The following TBX15 variants were observed in gnomAD, a reference collection of about 807,000 sequenced individuals.
The protein encoded by TBX15 is T-box transcription factor 15, also known as T-box transcription factor TBX15.
In TBX15, 18 loss-of-function variants were observed where a neutral mutation model predicts 53.9. The ratio of observed to expected loss-of-function variants is 0.33; its 90% CI spans 0.23 to 0.49. TBX15 has a LOEUF of 0.49. Ranked by LOEUF, TBX15 falls within the 20% of genes least tolerant of loss-of-function variation. The probability of loss-of-function intolerance (pLI) is 0.98; values close to 1 mark genes in which losing one functional copy is unlikely to be tolerated. For synonymous variants in TBX15, 295 were observed against 278.0 expected, an observed-to-expected ratio of 1.06 and a Z score of -0.61; for missense variants, 692 against 749.5, an observed-to-expected ratio of 0.92 and a Z score of 0.90.
chr1:118,914,588 ATAAT>A (rs1040918349), intron 5 of TBX15, among the ~76,000 whole-genome samples: 3 of 152,242 alleles, frequency 2.0e-5, no homozygotes, highest in Non-Finnish European at 4.4e-5. Flanking sequence ...AAGTGAGTTA[ATAAT>A]TAATAATGGA....
chr1:118,988,055 G>T lies in TBX15; in HGVS notation c.-260C>A, dbSNP rs1033830500. On this transcript the variant is annotated 5_prime_UTR_variant, in exon 1 of 8. Coordinates refer to ENST00000369429, the MANE Select transcript of TBX15 (RefSeq NM_001330677.2). ...AGCGCCGCCCGCTCGCTGCATGAGC[G>T]CCCGAGTCCTGCTTCCCACCCACCG... The T allele has an allele frequency of 1.8e-6, 1 of 552,666 alleles. No homozygotes were observed. The highest frequency in any genetic ancestry group is 3.2e-6 in the Non-Finnish European group (1 of 313,072). The allele number at this position is 552,666 out of a possible 1,614,324, so 34.2% of individuals were successfully genotyped here. A position where few individuals can be genotyped will look rare whatever the true frequency, so the allele number is the denominator to read the frequency against.
At chr1:118,926,831 G>A (rs1213540274) in intron 2 of TBX15, among the ~76,000 whole-genome samples, 1 of 151,908 alleles carries the variant, frequency 6.6e-6, no homozygotes, top group Admixed American at 6.6e-5. Flanking sequence ...TTAGCCTCCC[G>A]AGTAGCTGGG....
At chr1:118,888,177 C>T (rs1654015521) in intron 7 of TBX15, among the ~76,000 whole-genome samples, 1 of 152,016 alleles carries the variant, frequency 6.6e-6, no homozygotes, top group African/African-American at 2.4e-5. Flanking sequence ...CGGAAAGAGC[C>T]CTGAGCCTGA....
intron 4 of TBX15, among the ~76,000 whole-genome samples, chr1:118,923,951 A>G (rs766660459): frequency 1.3e-5 from 2 of 152,240 alleles, no homozygotes; most frequent in Non-Finnish European, 2.9e-5. Flanking sequence ...AATTTTCAGC[A>G]TGTATTCATG....
chr1:118,932,810 G>T (rs1457026981), intron 1 of TBX15, among the ~76,000 whole-genome samples: 1 of 152,140 alleles, frequency 6.6e-6, no homozygotes, highest in Non-Finnish European at 1.5e-5. Flanking sequence ...GCCAAGAATT[G>T]TGTGTCCTAA....
Position 118,914,202 on chromosome 1 carries a change from G to T in TBX15, c.862-23C>A, listed in dbSNP as rs1456961702. The T allele has an allele frequency of 1.9e-6, 3 of 1,606,760 alleles. No individual in the cohort carries two copies. The South Asian group carries it at 3.3e-5, about 18-fold the overall frequency. ...AATCTGGAAACAAACAAATAAGTAT[G>T]AATTGCTTTTATATTAACTGATTTC... is the stretch of plus-strand genomic sequence containing the variant. On this transcript the variant is annotated intron_variant, in intron 5 of 7. Transcript: ENST00000369429.
At chr1:118,981,307 C>G in intron 1 of TBX15, among the ~76,000 whole-genome samples, 1 of 94,166 alleles carries the variant, frequency 1.1e-5, no homozygotes, top group East Asian at 7.8e-4. Context: ...ACTAGCTACA[C>G]ACACACACAC....
chr1:118,916,972 G>A (rs1245432362), intron 5 of TBX15, among the ~76,000 whole-genome samples: 3 of 152,198 alleles, frequency 2.0e-5, no homozygotes, highest in African/African-American at 7.2e-5. Context: ...CTGTCAGTGG[G>A]AATGCAAATT....
At chr1:118,957,371 C>A (rs1319761980) in intron 1 of TBX15, among the ~76,000 whole-genome samples, 1 of 152,122 alleles carries the variant, frequency 6.6e-6, no homozygotes, top group African/African-American at 2.4e-5. Context: ...AGGGCAGGAC[C>A]AGGACTGGAG....
chr1:118,922,124 AT>A (rs1655445159), intron 5 of TBX15, among the ~76,000 whole-genome samples: 4 of 152,182 alleles, frequency 2.6e-5, no homozygotes, highest in Admixed American at 2.6e-4. Flanking sequence ...ATGCTTGTTG[AT>A]TTATCCAGGG....
At chr1:118,920,510 A>T (rs78520189) in intron 5 of TBX15, among the ~76,000 whole-genome samples, 2,646 of 152,286 alleles carry the variant, frequency 0.017, 78 homozygotes, top group African/African-American at 0.061. Context: ...TGTGAGGAGG[A>T]ATAACAGAAA....
At chr1:118,899,329 C>A (rs1044737422) in intron 6 of TBX15, among the ~76,000 whole-genome samples, 61 of 152,134 alleles carry the variant, frequency 4.0e-4, no homozygotes, top group African/African-American at 1.4e-3. Flanking sequence ...CAATTCAGAT[C>A]ATTTGCAAGC....
At chr1:118,893,725 T>C (rs970599191) in intron 7 of TBX15, among the ~76,000 whole-genome samples, 14 of 152,262 alleles carry the variant, frequency 9.2e-5, no homozygotes, top group African/African-American at 3.4e-4. Flanking sequence ...TTCTTCTTTT[T>C]TCTTTTCTAA....
intron 6 of TBX15, chr1:118,901,389 C>A (rs1394251874): frequency 2.2e-6 from 1 of 456,654 alleles, no homozygotes. Flanking sequence ...AGAGCCTAAT[C>A]ACCTCTTAAA....
intron 3 of TBX15, among the ~76,000 whole-genome samples, chr1:118,925,227 T>C (rs907498280): frequency 1.3e-5 from 2 of 152,208 alleles, no homozygotes; most frequent in African/African-American, 2.4e-5. Flanking sequence ...ATGCAAACCA[T>C]ATAATCCCTT....
chr1:118,963,806 C>T (rs1428309689), intron 1 of TBX15, among the ~76,000 whole-genome samples: 1 of 152,200 alleles, frequency 6.6e-6, no homozygotes, highest in Non-Finnish European at 1.5e-5. Flanking sequence ...ACATGACTTG[C>T]TTTAGCCAAG....
At chr1:118,891,935 A>G (rs1654160600) in intron 7 of TBX15, among the ~76,000 whole-genome samples, 1 of 152,208 alleles carries the variant, frequency 6.6e-6, no homozygotes, top group Admixed American at 6.5e-5. Flanking sequence ...CCTAATTGAT[A>G]TACATCCCTA....
rs116812697 is a variant in TBX15, at chr1:118,962,701, C to T, written c.205+24890G>A. 2.2e-3 allele frequency among the ~76,000 whole-genome samples: 337 copies of T among 152,332 alleles called. 1 individual carries two copies. Among genetic ancestry groups the T allele is most frequent in the African/African-American group, 7.5e-3 (312 of 41,570 alleles). On this transcript the variant is annotated intron_variant, in intron 1 of 7. Transcript: ENST00000369429. ...TAACCTCTAGGATTTAAGGGACTCT[C>T]TCTACCCCTTTACAGTTTCCTCACT...
At chr1:118,970,505 T>C (rs548537848) in intron 1 of TBX15, among the ~76,000 whole-genome samples, 31 of 152,276 alleles carry the variant, frequency 2.0e-4, no homozygotes, top group African/African-American at 3.9e-4. Context: ...ACTGGCATAG[T>C]AGTCAGAACA....
Sources: gnomAD v4.1 joint callset for allele counts (sites outside exome capture counted in the v4.1 genomes callset) on GRCh38, gnomAD v4.1.1 for gene constraint, MANE v1.5 for transcripts, NCBI Gene and HGNC (gene_info 2026-07-23, HGNC 2026-07-21) for gene names.